Variants in MCHR1 observed in about 807,000 individuals in gnomAD.
The protein encoded by MCHR1 is melanin-concentrating hormone receptor 1.
MCHR1 carries 13 observed loss-of-function variants against 20.4 expected under a neutral mutation model. The observed-to-expected ratio is 0.64, with a 90% CI of 0.41 to 1.01. MCHR1 has a LOEUF of 1.01. Ranked by LOEUF, MCHR1 falls within the 50% of genes least tolerant of loss-of-function variation. The probability of loss-of-function intolerance (pLI) is 0.00; values close to 1 mark genes in which losing one functional copy is unlikely to be tolerated. For synonymous variants in MCHR1, 215 were observed against 204.4 expected, an observed-to-expected ratio of 1.05 and a Z score of -0.44; for missense variants, 472 against 477.0, an observed-to-expected ratio of 0.99 and a Z score of 0.10.
chr22:40,681,264 T>C lies in MCHR1; in HGVS notation c.398T>C (p.Ile133Thr), dbSNP rs774878903. Residue 133 changes from isoleucine (I) to threonine (T), a missense_variant, in exon 2 of 2, where the codon ATC becomes ACC. Transcript: ENST00000249016. The surrounding 1 kb of genome is among the most constrained non-coding windows in gnomAD (Gnocchi z 4.3). ...DANSQFTSTY[I>T]LTAMAIDRYL... ...AATAGTCAGTTCACCAGCACCTACATCCTGACCGCCATGGCCATTGACCGC... is the reference window on the plus strand; with the variant it reads ...AATAGTCAGTTCACCAGCACCTACACCCTGACCGCCATGGCCATTGACCGC... 3.1e-6 allele frequency: 5 copies of C among 1,614,124 alleles called. No homozygotes were observed. In the Admixed American group the frequency reaches 6.7e-5, roughly 22 times the overall value.
At chr22:40,679,765 G>T in intron 1 of MCHR1, 31 bp downstream of exon 1, 1 of 1,613,142 alleles carries the variant, frequency 6.2e-7, no homozygotes, top group Non-Finnish European at 8.5e-7. Context: ...CCCTCCTCTG[G>T]GCTGTGGGTG....
Position 40,682,146 on chromosome 22 carries a change from G to T in MCHR1, c.*218G>T, listed in dbSNP as rs199629525. The T allele has an allele frequency of 3.4e-5, 21 of 612,898 alleles. No individual in the cohort carries two copies. In the South Asian group the frequency reaches 3.6e-4, roughly 10 times the overall value. 38.0% of individuals were successfully genotyped at this position (612,898 alleles called of 1,614,324 possible). ...TCAGATATCAGAAATCCCCTTGGGG[G>T]AGCAGGATGAGACCTTTGGATAGAA... On this transcript the variant is annotated 3_prime_UTR_variant, in exon 2 of 2. Transcript: ENST00000249016.
chr22:40,682,056 T>C lies in MCHR1; in HGVS notation c.*128T>C, dbSNP rs201819734. 7.0e-5 allele frequency: 86 copies of C among 1,234,582 alleles called. No individual in the cohort carries two copies. The highest frequency in any genetic ancestry group is 2.7e-4 in the Middle Eastern group (1 of 3,760). The allele number at this position is 1,234,582 out of a possible 1,614,324, so 76.5% of individuals were successfully genotyped here. ...GCCGGGTTGTGAGGGGTTGTTGCAA[T>C]GAAATAAATACATTCCATGGGGCTC... On this transcript the variant is annotated 3_prime_UTR_variant, in exon 2 of 2. Transcript: ENST00000249016.
In MCHR1 at chr22:40,681,426, T is replaced by A; in HGVS notation, c.560T>A (p.Phe187Tyr). 1 of 1,614,008 alleles carries A rather than the reference T, an allele frequency of 6.2e-7. No homozygotes were observed. Among genetic ancestry groups the A allele is most frequent in the Non-Finnish European group, 8.5e-7 (1 of 1,180,034 alleles). The change falls in exon 2 of 2, where the codon TTC becomes TAC. Residue 187 changes from phenylalanine (F) to tyrosine (Y), a missense_variant. Transcript: ENST00000249016. The surrounding 1 kb of genome is among the most constrained non-coding windows in gnomAD (Gnocchi z 4.3). Reference protein sequence around the residue: ...PVWLYARLIPFPGGAVGCGIR... With the variant: ...PVWLYARLIPYPGGAVGCGIR... ...TGGCTGTATGCCAGACTCATCCCCTTCCCAGGAGGTGCAGTGGGCTGCGGC... is the reference window on the plus strand; with the variant it reads ...TGGCTGTATGCCAGACTCATCCCCTACCCAGGAGGTGCAGTGGGCTGCGGC...
chr22:40,681,384 TCAG>T lies in MCHR1; in HGVS notation c.521_523del (p.Ser174del). 6.2e-7 allele frequency: 1 copy of T among 1,614,202 alleles called. No homozygotes were observed. The highest frequency in any genetic ancestry group is 1.1e-5 in the South Asian group (1 of 91,082). ...TGCCTCCTGTGGGCCCTCTCCTTCA[TCAG>T]CATCACCCCTGTGTGGCTGTATGCC... On this transcript the variant is annotated inframe_deletion, in exon 2 of 2. Transcript: ENST00000249016. The surrounding 1 kb of genome is among the most constrained non-coding windows in gnomAD (Gnocchi z 4.3).
In MCHR1 at chr22:40,681,533, G is replaced by T; in HGVS notation, c.667G>T (p.Val223Phe). 4 of 1,612,616 alleles carry T rather than the reference G, an allele frequency of 2.5e-6. No homozygotes were observed. Among genetic ancestry groups the T allele is most frequent in the Middle Eastern group, 3.3e-4 (2 of 6,062 alleles). Residue 223 changes from valine to phenylalanine, a missense_variant, in exon 2 of 2, where the codon GTC becomes TTC. Val to Phe is a conservative substitution (Grantham distance 50). Transcript: ENST00000249016. This position sits in a 1 kb window ranked among gnomAD's most constrained non-coding sequence, Gnocchi z 4.3. Reference protein sequence around the residue: ...FFLAFALPFVVITAAYVRILQ... With the variant: ...FFLAFALPFVFITAAYVRILQ... ...CCTGGCCTTTGCCCTGCCTTTTGTG[G>T]TCATCACAGCCGCATACGTGAGGAT...
intron 1 of MCHR1, chr22:40,680,299 G>C (rs1323717239): frequency 5.3e-6 from 1 of 189,984 alleles, no homozygotes; most frequent in Non-Finnish European, 1.1e-5. Flanking sequence ...AGGAAAAGAG[G>C]AAAGGCTTAT....
rs201757119 is a variant in MCHR1 at position 40,682,214 on chromosome 22, G to C, written c.*286G>C. On this transcript the variant is annotated 3_prime_UTR_variant, in exon 2 of 2. Coordinates refer to ENST00000249016, the MANE Select transcript of MCHR1 (RefSeq NM_005297.4). ...AACATGTTGGTTTGGATAACCGGTT[G>C]CACTATATCTGTGAGCTCTCAAATG... 2.1e-6 allele frequency: 1 copy of C among 482,742 alleles called. No individual in the cohort carries two copies. Among genetic ancestry groups the C allele is most frequent in the Non-Finnish European group, 3.8e-6 (1 of 262,742 alleles). 29.9% of individuals were successfully genotyped at this position (482,742 alleles called of 1,614,324 possible). A position where few individuals can be genotyped will look rare whatever the true frequency, so the allele number is the denominator to read the frequency against.
chr22:40,680,854 C>T (rs563317183), intron 1 of MCHR1, 95 bp from the exon 2 acceptor site: 40 of 1,587,284 alleles, frequency 2.5e-5, no homozygotes, highest in Admixed American at 1.8e-4. Context: ...TCCAGATGAA[C>T]GGTGGGTCGC....
chr22:40,679,775 G>A lies in MCHR1; in HGVS notation c.82+41G>A, dbSNP rs2056869989. On this transcript the variant is annotated intron_variant, in intron 1 of 1. Coordinates refer to ENST00000249016, the MANE Select transcript of MCHR1 (RefSeq NM_005297.4). ...GCCCTCCCTCCTCTGGGCTGTGGGT[G>A]GAAAATGGGAAGGTTTCACCCCTGA... The A allele has an allele frequency of 3.7e-6, 6 of 1,609,110 alleles. No individual in the cohort carries two copies. The East Asian group carries it at 1.1e-4, about 30-fold the overall frequency.
rs543489492 is a variant in MCHR1 at position 40,679,745 on chromosome 22, T to A, written c.82+11T>A. 1 of 1,614,008 alleles carries A rather than the reference T, an allele frequency of 6.2e-7. No homozygotes were observed. The highest frequency in any genetic ancestry group is 8.5e-7 in the Non-Finnish European group (1 of 1,179,956). ...ACCTCACTTCGGCAGGTGAGTTGAC[T>A]GGGAGCCCTCCCTCCTCTGGGCTGT... On this transcript the variant is annotated intron_variant, in intron 1 of 1. Coordinates refer to ENST00000249016, the MANE Select transcript of MCHR1 (RefSeq NM_005297.4).
At position 40,681,068 on chromosome 22, in the gene MCHR1, A is replaced by C; in HGVS notation, c.202A>C (p.Lys68Gln). 8 of 1,614,046 alleles carry C rather than the reference A, an allele frequency of 5.0e-6. No homozygotes were observed. The highest frequency in any genetic ancestry group is 6.8e-6 in the Non-Finnish European group (8 of 1,179,990). Residue 68 changes from lysine to glutamine, a missense_variant, in exon 2 of 2, where the codon AAG becomes CAG. Transcript: ENST00000249016. This position sits in a 1 kb window ranked among gnomAD's most constrained non-coding sequence, Gnocchi z 4.3. Reference sequence around the variant, plus strand: ...CACGGTCATCTTCGCGGTCGTGAAGAAGTCCAAGCTGCACTGGTGCAACAA... The same window carrying C: ...CACGGTCATCTTCGCGGTCGTGAAGCAGTCCAAGCTGCACTGGTGCAACAA... ...NSTVIFAVVKKSKLHWCNNVP... is the reference protein window; with the variant it reads ...NSTVIFAVVKQSKLHWCNNVP...
In MCHR1 at chr22:40,682,053, C is replaced by A; in HGVS notation, c.*125C>A. On this transcript the variant is annotated 3_prime_UTR_variant, in exon 2 of 2. Transcript: ENST00000249016. ...AAGGCCGGGTTGTGAGGGGTTGTTGCAATGAAATAAATACATTCCATGGGG... is the reference window on the plus strand; with the variant it reads ...AAGGCCGGGTTGTGAGGGGTTGTTGAAATGAAATAAATACATTCCATGGGG... 7.9e-7 allele frequency: 1 copy of A among 1,273,696 alleles called. No individual in the cohort carries two copies. Among genetic ancestry groups the A allele is most frequent in the Non-Finnish European group, 1.1e-6 (1 of 909,242 alleles). The allele number at this position is 1,273,696 out of a possible 1,614,324, so 78.9% of individuals were successfully genotyped here. A position where few individuals can be genotyped will look rare whatever the true frequency, so the allele number is the denominator to read the frequency against.
chr22:40,681,755 A>G lies in MCHR1; in HGVS notation c.889A>G (p.Ile297Val). The G allele has an allele frequency of 1.2e-6, 2 of 1,614,260 alleles. No individual in the cohort carries two copies. The highest frequency in any genetic ancestry group is 1.7e-6 in the Non-Finnish European group (2 of 1,180,054). Residue 297 changes from isoleucine (I) to valine (V), a missense_variant, in exon 2 of 2, where the codon ATC becomes GTC. Coordinates refer to ENST00000249016, the MANE Select transcript of MCHR1 (RefSeq NM_005297.4). This position sits in a 1 kb window ranked among gnomAD's most constrained non-coding sequence, Gnocchi z 4.3. ...LTFVYLYNAAISLGYANSCLN... is the reference protein window; with the variant it reads ...LTFVYLYNAAVSLGYANSCLN... ...CTTTGTCTACTTATACAATGCGGCC[A>G]TCAGCTTGGGCTATGCCAACAGCTG...
Position 40,681,074 on chromosome 22 carries a change from A to C in MCHR1, c.208A>C (p.Lys70Gln). ...TVIFAVVKKS[K>Q]LHWCNNVPDI... ...CATCTTCGCGGTCGTGAAGAAGTCC[A>C]AGCTGCACTGGTGCAACAACGTCCC... The change falls in exon 2 of 2, where the codon AAG becomes CAG. Residue 70 changes from lysine (K) to glutamine (Q), a missense_variant. Lys to Gln is a moderately conservative substitution (Grantham distance 53). Coordinates refer to ENST00000249016, the MANE Select transcript of MCHR1 (RefSeq NM_005297.4). This position sits in a 1 kb window ranked among gnomAD's most constrained non-coding sequence, Gnocchi z 4.3. 6.2e-7 allele frequency: 1 copy of C among 1,614,068 alleles called. No individual in the cohort carries two copies. The highest frequency in any genetic ancestry group is 1.1e-5 in the South Asian group (1 of 91,058).
chr22:40,681,633 G>C lies in MCHR1; in HGVS notation c.767G>C (p.Arg256Pro). The C allele has an allele frequency of 6.2e-7, 1 of 1,614,206 alleles. No individual in the cohort carries two copies. Among genetic ancestry groups the C allele is most frequent in the South Asian group, 1.1e-5 (1 of 91,090 alleles). ...SIRLRTKRVT[R>P]TAIAICLVFF... ...CGGCTGCGGACAAAGAGGGTGACCC[G>C]CACAGCCATCGCCATCTGTCTGGTC... is the stretch of plus-strand genomic sequence containing the variant. The change falls in exon 2 of 2, where the codon CGC (arginine) becomes CCC (proline). Residue 256 changes from arginine (R) to proline (P), a missense_variant. Transcript: ENST00000249016. The surrounding 1 kb of genome is among the most constrained non-coding windows in gnomAD (Gnocchi z 4.3).
Position 40,681,155 on chromosome 22 carries a change from C to G in MCHR1, c.289C>G (p.Pro97Ala). The G allele has an allele frequency of 3.1e-6, 5 of 1,613,740 alleles. No homozygotes were observed. The highest frequency in any genetic ancestry group is 3.4e-6 in the Non-Finnish European group (4 of 1,179,892). The change falls in exon 2 of 2, where the codon CCC (proline) becomes GCC (alanine). Residue 97 changes from proline to alanine, a missense_variant. Pro to Ala is a conservative substitution (Grantham distance 27). Transcript: ENST00000249016. The surrounding 1 kb of genome is among the most constrained non-coding windows in gnomAD (Gnocchi z 4.3). ...AGATCTCCTCTTTCTCCTGGGCATG[C>G]CCTTCATGATCCACCAGCTCATGGG... ...VVDLLFLLGMPFMIHQLMGNG... is the reference protein window; with the variant it reads ...VVDLLFLLGMAFMIHQLMGNG...
At chr22:40,680,886 G>A in intron 1 of MCHR1, 63 bp from the exon 2 acceptor site, 1 of 1,604,184 alleles carries the variant, frequency 6.2e-7, no homozygotes, top group Non-Finnish European at 8.5e-7. Context: ...CATGCCAGCA[G>A]GATGTCAGTT....
At position 40,679,657 on chromosome 22, in the gene MCHR1, A is replaced by G. The variant is rs2056869225; in HGVS notation, c.5A>G (p.Asp2Gly). 1.2e-6 allele frequency: 2 copies of G among 1,613,912 alleles called. No homozygotes were observed. Among genetic ancestry groups the G allele is most frequent in the African/African-American group, 2.7e-5 (2 of 74,904 alleles). ...CAGGCGACCGGCACTGGCTGGATGGACCTGGAAGCCTCGCTGCTGCCCACT... is the reference window on the plus strand; with the variant it reads ...CAGGCGACCGGCACTGGCTGGATGGGCCTGGAAGCCTCGCTGCTGCCCACT... Reference protein sequence around the residue: MDLEASLLPTGP... With the variant: MGLEASLLPTGP... The change falls in exon 1 of 2, where the codon GAC (aspartate) becomes GGC (glycine). Residue 2 changes from aspartate to glycine, a missense_variant. Transcript: ENST00000249016.
Sources: gnomAD v4.1 joint callset for allele counts on GRCh38, gnomAD v4.1.1 for gene constraint, Gnocchi (gnomAD v3.1) non-coding constraint, MANE v1.5 for transcripts, NCBI Gene and HGNC (gene_info 2026-07-23, HGNC 2026-07-21) for gene names.